The following GPR39 variants were observed in gnomAD, a reference collection of about 807,000 sequenced individuals.
The protein encoded by GPR39 is G protein-coupled receptor 39, also known as zinc sensing receptor.
Under a neutral mutation model 18.4 loss-of-function variants are expected in GPR39, and 23 were observed. The observed-to-expected ratio is 1.25, with a 90% CI of 0.90 to 1.77. The LOEUF is 1.77. Ranked by LOEUF, GPR39 falls within the 40% of genes most tolerant of loss-of-function variation. GPR39 has a pLI of 0.00. For synonymous variants in GPR39, 280 were observed against 257.9 expected, an observed-to-expected ratio of 1.09 and a Z score of -0.82; for missense variants, 647 against 602.4, an observed-to-expected ratio of 1.07 and a Z score of -0.78.
intron 1 of GPR39, among the ~76,000 whole-genome samples, chr2:132,483,117 A>G (rs2104790469): frequency 6.6e-6 from 1 of 152,336 alleles, no homozygotes; most frequent in South Asian, 2.1e-4. Context: ...TATCTATAAA[A>G]TGAGAGACCT....
chr2:132,513,622 C>G (rs1679279343), intron 1 of GPR39, among the ~76,000 whole-genome samples: 1 of 152,248 alleles, frequency 6.6e-6, no homozygotes, highest in African/African-American at 2.4e-5. Flanking sequence ...TTCGCTTTCT[C>G]TCTTCTCCCT....
At chr2:132,579,063 T>G (rs1680579526) in intron 1 of GPR39, among the ~76,000 whole-genome samples, 1 of 151,884 alleles carries the variant, frequency 6.6e-6, no homozygotes, top group Non-Finnish European at 1.5e-5. Flanking sequence ...GATTATTGAT[T>G]TGAGACTCTT....
At chr2:132,629,783 TG>T (rs1419422318) in intron 1 of GPR39, among the ~76,000 whole-genome samples, 1 of 152,232 alleles carries the variant, frequency 6.6e-6, no homozygotes, top group Admixed American at 6.5e-5. Flanking sequence ...CTTCCCTCTC[TG>T]GGCTAAACTC....
intron 1 of GPR39, among the ~76,000 whole-genome samples, chr2:132,429,957 A>G (rs1680194735): frequency 6.6e-6 from 1 of 152,228 alleles, no homozygotes; most frequent in Admixed American, 6.5e-5. Context: ...TTAAATATGG[A>G]GGAAGTTGAT....
intron 1 of GPR39, among the ~76,000 whole-genome samples, chr2:132,423,900 A>G (rs1680065854): frequency 6.6e-6 from 1 of 152,222 alleles, no homozygotes; most frequent in African/African-American, 2.4e-5. Flanking sequence ...AAATGAATGA[A>G]TGAGCCTCAG....
At chr2:132,479,593 A>G (rs1681193436) in intron 1 of GPR39, among the ~76,000 whole-genome samples, 1 of 152,220 alleles carries the variant, frequency 6.6e-6, no homozygotes, top group African/African-American at 2.4e-5. Flanking sequence ...GAAACAGGAA[A>G]GAAGAATCTA....
At chr2:132,494,098 C>A (rs1176958523) in intron 1 of GPR39, among the ~76,000 whole-genome samples, 1 of 151,948 alleles carries the variant, frequency 6.6e-6, no homozygotes, top group African/African-American at 2.4e-5. Flanking sequence ...GTAGGGAAAG[C>A]ATGTATAGGC....
chr2:132,529,214 C>G (rs1013983675), intron 1 of GPR39, among the ~76,000 whole-genome samples: 2 of 152,244 alleles, frequency 1.3e-5, no homozygotes, highest in Non-Finnish European at 2.9e-5. Flanking sequence ...ATATCCCACA[C>G]CTGGCTCGGA....
chr2:132,479,747 T>C (rs1681197177), intron 1 of GPR39, among the ~76,000 whole-genome samples: 1 of 152,212 alleles, frequency 6.6e-6, no homozygotes, highest in African/African-American at 2.4e-5. Context: ...TTGGGCACTG[T>C]TGGCAGGAAT....
In GPR39 at chr2:132,492,871, CACCATATATATACACCATATATAT is replaced by C. The variant is rs1282753504; in HGVS notation, c.856+74995_856+75018del. Among the ~76,000 whole-genome samples, 11 of 140,246 alleles carry C rather than the reference CACCATATATATACACCATATATAT, an allele frequency of 7.8e-5. No homozygotes were observed. In the East Asian group the frequency reaches 1.1e-3, roughly 14 times the overall value. 92.0% of individuals were successfully genotyped at this position (140,246 alleles called of 152,430 possible). The stretch of plus-strand genomic sequence containing the variant: ...ACACCATATATATACCATATATGTA[CACCATATATATACACCATATATAT>C]ACCATATATATACACCATATACCAT... On this transcript the variant is annotated intron_variant, in intron 1 of 1. Transcript: ENST00000329321.
intron 1 of GPR39, among the ~76,000 whole-genome samples, chr2:132,454,678 GT>G (rs1371111702): frequency 6.6e-6 from 1 of 152,142 alleles, no homozygotes; most frequent in Admixed American, 6.5e-5. Flanking sequence ...TTTATTGAGA[GT>G]TTTTAGCATG....
chr2:132,612,085 C>CTGCGA (rs4062888), intron 1 of GPR39, among the ~76,000 whole-genome samples: 1 of 151,976 alleles, frequency 6.6e-6, no homozygotes, highest in East Asian at 1.9e-4. Context: ...GTGCCCTGAA[C>CTGCGA]TGAGTTTTCT....
Position 132,646,388 on chromosome 2 carries a change from C to CCAGAGACTAGGTGAGGTCAGGGA in GPR39, c.*783_*805dup. ...AGCTCTTCCTTACTCCTCCCACAGC[C>CCAGAGACTAGGTGAGGTCAGGGA]CAGAGACTAGGTGAGGTCAGGGAAG... On this transcript the variant is annotated 3_prime_UTR_variant, in exon 2 of 2. Transcript: ENST00000329321. The CCAGAGACTAGGTGAGGTCAGGGA allele has an allele frequency of 1.5e-6, 1 of 648,926 alleles. No homozygotes were observed. The highest frequency in any genetic ancestry group is 2.4e-6 in the Non-Finnish European group (1 of 421,384). 40.2% of individuals were successfully genotyped at this position (648,926 alleles called of 1,614,324 possible).
intron 1 of GPR39, among the ~76,000 whole-genome samples, chr2:132,495,459 G>A (rs1191140367): frequency 6.6e-6 from 1 of 152,120 alleles, no homozygotes; most frequent in African/African-American, 2.4e-5. Context: ...TAACAGGTTG[G>A]ACTCCTCTCT....
chr2:132,485,023 A>C (rs1319133375), intron 1 of GPR39, among the ~76,000 whole-genome samples: 1 of 152,196 alleles, frequency 6.6e-6, no homozygotes, highest in Non-Finnish European at 1.5e-5. Context: ...AACTGTACTA[A>C]GAGTGGAGAG....
chr2:132,468,198 T>G (rs1401695345), intron 1 of GPR39, among the ~76,000 whole-genome samples: 1 of 152,200 alleles, frequency 6.6e-6, no homozygotes, highest in Non-Finnish European at 1.5e-5. Flanking sequence ...TTCAAGTACC[T>G]GTGGTTTCAC....
chr2:132,498,509 A>G (rs1299815173), intron 1 of GPR39, among the ~76,000 whole-genome samples: 12 of 152,052 alleles, frequency 7.9e-5, no homozygotes, highest in Non-Finnish European at 2.9e-5. Flanking sequence ...TTTTTTTGCA[A>G]TTGTGAATTG....
At chr2:132,569,576 T>C (rs971539477) in intron 1 of GPR39, among the ~76,000 whole-genome samples, 1 of 131,806 alleles carries the variant, frequency 7.6e-6, no homozygotes, top group East Asian at 2.6e-4. Flanking sequence ...GGCTGAGTTC[T>C]GGAGTCCAGT....
chr2:132,453,825 G>C (rs1680671601), intron 1 of GPR39, among the ~76,000 whole-genome samples: 1 of 152,128 alleles, frequency 6.6e-6, no homozygotes, highest in African/African-American at 2.4e-5. Flanking sequence ...CCTCTCTTCT[G>C]TTTCATTGGT....
Sources: allele counts gnomAD v4.1 joint callset (sites outside exome capture counted in the v4.1 genomes callset), GRCh38; gene constraint gnomAD v4.1.1; transcripts MANE v1.5; gene names NCBI Gene and HGNC (gene_info 2026-07-23, HGNC 2026-07-21).